Variants in TXNIP observed in about 807,000 individuals in gnomAD.
TXNIP encodes the protein thioredoxin interacting protein.
Under a neutral mutation model 43.9 loss-of-function variants are expected in TXNIP, and 23 were observed. The observed-to-expected ratio is 0.52, with a 90% CI of 0.38 to 0.74. The LOEUF is 0.74. Ranked by LOEUF, TXNIP falls within the 30% of genes least tolerant of loss-of-function variation. The pLI, the probability that TXNIP is intolerant of heterozygous loss-of-function variation, is 0.00. For missense variants in TXNIP, 555 were observed against 485.4 expected (o/e 1.14, Z -1.35); for synonymous variants, 234 against 172.2 (o/e 1.36, Z -2.81).
chr1:145,995,905 G>C, intron 1 of TXNIP, 112 bp downstream of exon 1: 1 of 1,306,278 alleles, frequency 7.7e-7, no homozygotes, highest in South Asian at 1.5e-5. Flanking sequence ...GCAACAACAC[G>C]TAATTCAAAC....
Position 145,995,199 on chromosome 1 carries a change from G to A in TXNIP, c.416C>T (p.Thr139Ile). ...ATCCACTACTTCAAAGTTTTTCTTT[G>A]TCTCTTGAGTTGGCTGGCTCGGGCG... is the stretch of plus-strand genomic sequence containing the variant. ...LDRPSQPTQE[T>I]KKNFEVVDLV... The change falls in exon 3 of 8, where the codon ACA becomes ATA. Residue 139 changes from threonine (T) to isoleucine (I), a missense_variant. By Grantham distance (89) the Thr-to-Ile change is moderately conservative. Coordinates refer to ENST00000582401, the MANE Select transcript of TXNIP (RefSeq NM_006472.6). 1 of 1,614,036 alleles carries A rather than the reference G, an allele frequency of 6.2e-7. No individual in the cohort carries two copies. The highest frequency in any genetic ancestry group is 8.5e-7 in the Non-Finnish European group (1 of 1,179,992).
chr1:145,996,304 G>A lies in TXNIP; in HGVS notation c.-38C>T, dbSNP rs1559268221. On this transcript the variant is annotated 5_prime_UTR_variant, in exon 1 of 8. Transcript: ENST00000582401. ...TTGGTTTTAAGAGTTAGAAATGACGGTGGAAGAAAAAAAAAGCTCCAAATC... is the reference window on the plus strand; with the variant it reads ...TTGGTTTTAAGAGTTAGAAATGACGATGGAAGAAAAAAAAAGCTCCAAATC... 6.4e-7 allele frequency: 1 copy of A among 1,566,536 alleles called. No homozygotes were observed. The highest frequency in any genetic ancestry group is 2.3e-5 in the East Asian group (1 of 44,280).
Position 145,995,019 on chromosome 1 carries a change from C to T in TXNIP, c.484G>A (p.Ala162Thr), listed in dbSNP as rs868915188. ...NTPDLMAPVS[A>T]KKEKKVSCMF... is the part of the protein sequence containing the mutation. ...CAGGAAACTTTCTTTTCTTTTTTAG[C>T]AGACACAGGTGCCTATATAGAAGGG... The change falls in exon 4 of 8, where the codon GCT becomes ACT. Residue 162 changes from alanine (A) to threonine (T), a missense_variant. By Grantham distance (58) the Ala-to-Thr change is moderately conservative. Transcript: ENST00000582401. 2 of 1,613,970 alleles carry T rather than the reference C, an allele frequency of 1.2e-6. No homozygotes were observed. Among genetic ancestry groups the T allele is most frequent in the African/African-American group, 2.7e-5 (2 of 74,914 alleles).
intron 1 of TXNIP, 97 bp downstream of exon 1, chr1:145,995,920 C>G (rs1028469284): frequency 5.0e-5 from 74 of 1,467,524 alleles, no homozygotes; most frequent in Admixed American, 1.2e-4. Flanking sequence ...TCAAACCACT[C>G]AAACTGAGCA....
At chr1:145,995,118 A>C (rs782457423) in intron 3 of TXNIP, 26 bp downstream of exon 3, 2 of 1,613,862 alleles carry the variant, frequency 1.2e-6, no homozygotes, top group Non-Finnish European at 1.7e-6. Context: ...GACCCAGGAG[A>C]ATAGAATCTT....
In TXNIP at chr1:145,994,755, C is replaced by T. The variant is rs1201666246; in HGVS notation, c.620G>A (p.Arg207Gln). 1.2e-6 allele frequency: 2 copies of T among 1,614,130 alleles called. No individual in the cohort carries two copies. Among genetic ancestry groups the T allele is most frequent in the Non-Finnish European group, 1.7e-6 (2 of 1,180,026 alleles). The change falls in exon 5 of 8, where the codon CGA (arginine) becomes CAA (glutamine). Residue 207 changes from arginine to glutamine, a missense_variant. Transcript: ENST00000582401. ...AATGGCAGCTTTGGGGACCACAATTCGGGAACATGTATTCTCAAAGTCAGC... is the reference window on the plus strand; with the variant it reads ...AATGGCAGCTTTGGGGACCACAATTTGGGAACATGTATTCTCAAAGTCAGC... ...IHADFENTCSRIVVPKAAIVA... is the reference protein window; with the variant it reads ...IHADFENTCSQIVVPKAAIVA...
Position 145,996,010 on chromosome 1 carries a change from C to A in TXNIP, c.250+7G>T. 6.2e-7 allele frequency: 1 copy of A among 1,612,396 alleles called. No individual in the cohort carries two copies. The highest frequency in any genetic ancestry group is 8.5e-7 in the Non-Finnish European group (1 of 1,179,328). ...TTCACCCTCCAACAATGAATTGGGC[C>A]GCTTACCTGTTGGCTGGTCTTCCAG... On this transcript the variant is annotated splice_region_variant and intron_variant, in intron 1 of 7. Coordinates refer to ENST00000582401, the MANE Select transcript of TXNIP (RefSeq NM_006472.6).
Position 145,995,152 on chromosome 1 carries a change from C to T in TXNIP, c.463G>A (p.Asp155Asn). 6.2e-7 allele frequency: 1 copy of T among 1,614,154 alleles called. No homozygotes were observed. The highest frequency in any genetic ancestry group is 1.1e-5 in the South Asian group (1 of 91,082). ...VVDLVDVNTP[D>N]LMAPVSAKKE... ...TTTAAAATGGATCTCACCATTAAAT[C>T]AGGGGTATTGACATCCACCAGATCC... The change falls in exon 3 of 8, where the codon GAT (aspartate) becomes AAT (asparagine). Residue 155 changes from aspartate (D) to asparagine (N), a missense_variant. Coordinates refer to ENST00000582401, the MANE Select transcript of TXNIP (RefSeq NM_006472.6).
chr1:145,995,379 A>C, intron 2 of TXNIP, 25 bp downstream of exon 2: 1 of 1,611,628 alleles, frequency 6.2e-7, no homozygotes, highest in South Asian at 1.1e-5. Flanking sequence ...AGAAAAGTTC[A>C]AAGATGCATT....
chr1:145,995,408 G>A lies in TXNIP; in HGVS notation c.319C>T (p.Gln107Ter). The change falls in exon 2 of 8, where the codon CAG becomes TAG. Residue 107 changes from glutamine to a stop codon, truncating the protein, a stop_gained. Transcript: ENST00000582401. LOFTEE classifies it high-confidence loss of function. ...YEYKFGFELPQGPLGTSFKGK... is the reference protein window; with the variant it reads ...YEYKFGFELP ...ATGCATTTAGCTGATATTTACCCCT[G>A]AGGAAGCTCAAAGCCGAACTTGTAC... 4 of 1,613,810 alleles carry A rather than the reference G, an allele frequency of 2.5e-6. No homozygotes were observed. The highest frequency in any genetic ancestry group is 3.4e-6 in the Non-Finnish European group (4 of 1,179,794).
intron 2 of TXNIP, 43 bp from the exon 3 acceptor site, chr1:145,995,334 AG>A (rs782704820): frequency 1.2e-6 from 2 of 1,610,920 alleles, no homozygotes; most frequent in Non-Finnish European, 1.7e-6. Context: ...CTCCAAGAAC[AG>A]TAAGTGATCA....
chr1:145,994,519 C>G (rs1244077676), intron 5 of TXNIP, 25 bp downstream of exon 5: 1 of 1,613,658 alleles, frequency 6.2e-7, no homozygotes, highest in Non-Finnish European at 8.5e-7. Flanking sequence ...AATTTCTCTG[C>G]TGAAGCCACC....
Position 145,992,631 on chromosome 1 carries a change from G to A in TXNIP, c.*1220C>T, listed in dbSNP as rs1651201059. 1 of 152,722 alleles carries A rather than the reference G, an allele frequency of 6.5e-6. No individual in the cohort carries two copies. Among genetic ancestry groups the A allele is most frequent in the Admixed American group, 6.5e-5 (1 of 15,272 alleles). The allele number at this position is 152,722 out of a possible 1,614,324, so 9.5% of individuals were successfully genotyped here. A position where few individuals can be genotyped will look rare whatever the true frequency, so the allele number is the denominator to read the frequency against. ...CTCTCAGAAAAGGGTGGAGCTCAGT[G>A]CTCTGACACAGGACAGTGAACAAAG... On this transcript the variant is annotated 3_prime_UTR_variant, in exon 8 of 8. Transcript: ENST00000582401.
At chr1:145,995,519 C>T (rs782038923) in intron 1 of TXNIP, 43 bp from the exon 2 acceptor site, 1 of 1,578,264 alleles carries the variant, frequency 6.3e-7, no homozygotes, top group Admixed American at 1.7e-5. Context: ...CTTGCTGTTA[C>T]ACTTAAAATG....
rs1651489860 is a variant in TXNIP at position 145,995,849 on chromosome 1, T to TG, written c.250+167_250+168insC. The TG allele has an allele frequency of 2.9e-5, 25 of 861,428 alleles. No homozygotes were observed. The Admixed American group carries it at 2.9e-4, about 10-fold the overall frequency. 53.4% of individuals were successfully genotyped at this position (861,428 alleles called of 1,614,324 possible). On this transcript the variant is annotated intron_variant, in intron 1 of 7. Coordinates refer to ENST00000582401, the MANE Select transcript of TXNIP (RefSeq NM_006472.6). Reference sequence around the variant, plus strand: ...AAAATTGTACAAATCACCCTTTTTTTTGGGGGGGGAGGAGAATGTCTGCAA... The same window carrying TG: ...AAAATTGTACAAATCACCCTTTTTTTGTGGGGGGGGAGGAGAATGTCTGCAA...
chr1:145,994,113 GT>G lies in TXNIP; in HGVS notation c.1042del (p.Thr348ProfsTer5). 6.2e-7 allele frequency: 1 copy of G among 1,614,222 alleles called. No individual in the cohort carries two copies. Among genetic ancestry groups the G allele is most frequent in the South Asian group, 1.1e-5 (1 of 91,088 alleles). On this transcript the variant is annotated frameshift_variant, in exon 7 of 8. Transcript: ENST00000582401. LOFTEE classifies it high-confidence loss of function. ...ATCCATGTCATCTAGCAGAGGAGTG[GT>G]TGGGCTCTCCAATCGGTGATCTTCA... ...IPEDHRLESP[T>X]TPLLDDMDGS...
At position 145,994,976 on chromosome 1, in the gene TXNIP, C is replaced by T. The variant is rs1651403177; in HGVS notation, c.527G>A (p.Gly176Glu). Residue 176 changes from glycine (G) to glutamate (E), a missense_variant, in exon 4 of 8, where the codon GGG (glycine) becomes GAG (glutamate). By Grantham distance (98) the Gly-to-Glu change is moderately conservative. Transcript: ENST00000582401. ...AATTCGAGCAGAGACAGACACCCGC[C>T]CATCAGGAATGAACATGCAGGAAAC... ...KKVSCMFIPD[G>E]RVSVSARIDR... The T allele has an allele frequency of 6.2e-7, 1 of 1,614,014 alleles. No homozygotes were observed. Among genetic ancestry groups the T allele is most frequent in the African/African-American group, 1.3e-5 (1 of 74,892 alleles).
chr1:145,995,396 A>G lies in TXNIP; in HGVS notation c.323+8T>C, dbSNP rs377191959. On this transcript the variant is annotated splice_region_variant and intron_variant, in intron 2 of 7. Coordinates refer to ENST00000582401, the MANE Select transcript of TXNIP (RefSeq NM_006472.6). ...AAAAGTTCAAAGATGCATTTAGCTG[A>G]TATTTACCCCTGAGGAAGCTCAAAG... 10 of 1,613,220 alleles carry G rather than the reference A, an allele frequency of 6.2e-6. No homozygotes were observed. Among genetic ancestry groups the G allele is most frequent in the Middle Eastern group, 3.3e-4 (2 of 6,058 alleles).
In TXNIP at chr1:145,992,965, T is replaced by C. The variant is rs1166547639; in HGVS notation, c.*886A>G. ...AAGTAGTAAAATTTTTTTTGTCTTT[T>C]GGCTTAACCCTAGAGACACAGTAGA... On this transcript the variant is annotated 3_prime_UTR_variant, in exon 8 of 8. Transcript: ENST00000582401. The C allele has an allele frequency of 6.5e-6, 1 of 152,696 alleles. No individual in the cohort carries two copies. The highest frequency in any genetic ancestry group is 2.1e-4 in the South Asian group (1 of 4,832). The allele number at this position is 152,696 out of a possible 1,614,324, so 9.5% of individuals were successfully genotyped here. A position where few individuals can be genotyped will look rare whatever the true frequency, so the allele number is the denominator to read the frequency against.
Sources: allele counts gnomAD v4.1 joint callset, GRCh38; gene constraint gnomAD v4.1.1; transcripts MANE v1.5; gene names NCBI Gene and HGNC (gene_info 2026-07-23, HGNC 2026-07-21).